TGIF1: variants seen among roughly 807,000 people sequenced by gnomAD.
TGIF1 encodes TGFB induced factor homeobox 1, also known as homeobox protein TGIF1.
Under a neutral mutation model 19.3 loss-of-function variants are expected in TGIF1, and 4 were observed. The observed-to-expected ratio is 0.21, with a 90% confidence interval of 0.10 to 0.47. The LOEUF (loss-of-function observed/expected upper bound fraction) is 0.47, where lower values mean the gene tolerates loss of function less well. Ranked by LOEUF, TGIF1 falls within the 20% of genes least tolerant of loss-of-function variation. TGIF1 has a pLI of 0.98. For synonymous variants in TGIF1, 122 were observed against 129.3 expected (o/e 0.94, Z 0.38); for missense variants, 275 against 341.4 (o/e 0.81, Z 1.53).
At chr18:3,422,296 T>TAAAAAAAAAAAAAAAAAAA (rs34822467) in intron 2 of TGIF1, among the ~76,000 whole-genome samples, 1 of 80,412 alleles carries the variant, frequency 1.2e-5, no homozygotes. Context: ...GTTTAAAAAG[T>TAAAAAAAAAAAAAAAAAAA]AAAAAAAAAA....
In TGIF1 at chr18:3,459,700, C is replaced by G. The variant is rs1001888802; in HGVS notation, c.*1760C>G. 6.6e-6 allele frequency: 1 copy of G among 152,080 alleles called. No homozygotes were observed. Among genetic ancestry groups the G allele is most frequent in the Admixed American group, 6.5e-5 (1 of 15,276 alleles). 9.4% of individuals were successfully genotyped at this position (152,080 alleles called of 1,614,324 possible). On this transcript the variant is annotated 3_prime_UTR_variant, in exon 3 of 3. Coordinates refer to ENST00000343820, the MANE Select transcript of TGIF1 (RefSeq NM_003244.4). ...CTGTTACGGTGTTTCATCACTCATA[C>G]TGGAAGGAGAAGGAAAGGAGCCATA...
chr18:3,448,032 G>A, upstream of TGIF1: 1 of 983,312 alleles, frequency 1.0e-6, no homozygotes, highest in Non-Finnish European at 1.2e-6. Context: ...AGAACCACGG[G>A]GAAGAGGGAA....
intron 1 of TGIF1, among the ~76,000 whole-genome samples, chr18:3,452,888 A>G (rs1298636223): frequency 1.3e-5 from 2 of 152,224 alleles, no homozygotes; most frequent in Non-Finnish European, 2.9e-5. Context: ...GTGTCCTCCC[A>G]GAAAGCTGAG....
At chr18:3,427,715 T>C (rs1279863604) in intron 2 of TGIF1, among the ~76,000 whole-genome samples, 1 of 151,732 alleles carries the variant, frequency 6.6e-6, no homozygotes, top group Admixed American at 6.6e-5. Context: ...TTCTCCTGCC[T>C]CAGCCACCCG....
At chr18:3,448,821 C>T (rs770000445), upstream of TGIF1, among the ~76,000 whole-genome samples, 1 of 149,902 alleles carries the variant, frequency 6.7e-6, no homozygotes, top group Non-Finnish European at 1.5e-5. Context: ...TCTTAGTACT[C>T]CTCGGGTTTA....
chr18:3,428,692 G>A (rs757328375), intron 2 of TGIF1, among the ~76,000 whole-genome samples: 6 of 151,820 alleles, frequency 4.0e-5, no homozygotes, highest in African/African-American at 1.2e-4. Flanking sequence ...AGCCAAAATC[G>A]CACCACTGCA....
chr18:3,424,085 G>A (rs1442200937), intron 2 of TGIF1, among the ~76,000 whole-genome samples: 3 of 152,034 alleles, frequency 2.0e-5, no homozygotes, highest in African/African-American at 7.3e-5. Context: ...ATTCTTTCAT[G>A]TTTATTTGGG....
intron 1 of TGIF1, among the ~76,000 whole-genome samples, chr18:3,414,310 A>C (rs1162463989): frequency 2.0e-5 from 3 of 152,236 alleles, no homozygotes; most frequent in African/African-American, 7.2e-5. Flanking sequence ...CCTAACACTT[A>C]CTGTGAACCC....
intron 2 of TGIF1, among the ~76,000 whole-genome samples, chr18:3,442,418 A>C (rs1281976110): frequency 6.6e-6 from 1 of 152,070 alleles, no homozygotes; most frequent in Non-Finnish European, 1.5e-5. Context: ...ATTTTTTTTT[A>C]AACAAATGGG....
chr18:3,417,120 G>A (rs917748187), intron 1 of TGIF1, among the ~76,000 whole-genome samples: 1 of 151,884 alleles, frequency 6.6e-6, no homozygotes, highest in Non-Finnish European at 1.5e-5. Context: ...CACTCTAGAC[G>A]TCCAGCAAGG....
At chr18:3,452,335 G>A (rs751799507) in intron 1 of TGIF1, 7 of 1,613,214 alleles carry the variant, frequency 4.3e-6, no homozygotes, top group African/African-American at 2.7e-5. Flanking sequence ...CCATCCCAGG[G>A]CGCACAGGGT....
Position 3,451,336 on chromosome 18 carries a change from A to G in TGIF1, c.16+831A>G, listed in dbSNP as rs1476581497. On this transcript the variant is annotated intron_variant, in intron 1 of 2. Coordinates refer to ENST00000343820, the MANE Select transcript of TGIF1 (RefSeq NM_003244.4). This position sits in a 1 kb window ranked among gnomAD's most constrained non-coding sequence, Gnocchi z 5.4. The stretch of plus-strand genomic sequence containing the variant: ...GCCGTCAGTTTGGTTTAAAAACAAA[A>G]TACACCGGAGGGGGACGGGGGGTGG... The G allele has an allele frequency of 2.0e-6, 2 of 985,006 alleles. No homozygotes were observed. Among genetic ancestry groups the G allele is most frequent in the East Asian group, 2.3e-4 (2 of 8,820 alleles). The allele number at this position is 985,006 out of a possible 1,614,324, so 61.0% of individuals were successfully genotyped here. A position where few individuals can be genotyped will look rare whatever the true frequency, so the allele number is the denominator to read the frequency against.
At position 3,433,894 on chromosome 18, in the gene TGIF1, G is replaced by A. The variant is rs1397884598; in HGVS notation, c.-45+15679G>A. ...AAAATGGTATATTTTACGTTGTGTAGTATATTGTACCACATATACAAAAAA... is the reference window on the plus strand; with the variant it reads ...AAAATGGTATATTTTACGTTGTGTAATATATTGTACCACATATACAAAAAA... On this transcript the variant is annotated intron_variant, in intron 2 of 3. Coordinates refer to the TGIF1 transcript ENST00000401449. Among the ~76,000 whole-genome samples, 9 of 152,174 alleles carry A rather than the reference G, an allele frequency of 5.9e-5. No homozygotes were observed. The East Asian group carries it at 1.5e-3, about 26-fold the overall frequency.
intron 2 of TGIF1, among the ~76,000 whole-genome samples, chr18:3,432,676 A>C (rs937280699): frequency 6.6e-6 from 1 of 152,152 alleles, no homozygotes; most frequent in African/African-American, 2.4e-5. Context: ...GTCTATATGG[A>C]AAATAATGGA....
At chr18:3,448,617 G>C (rs1050014469), upstream of TGIF1, 1 of 985,142 alleles carries the variant, frequency 1.0e-6, no homozygotes, top group Non-Finnish European at 1.2e-6. Context: ...TTCTTAGAGA[G>C]ACGCTTTTTT....
At position 3,422,673 on chromosome 18, in the gene TGIF1, CTTTTTTTTT is replaced by C. The variant is rs869116407; in HGVS notation, c.-45+4485_-45+4493del. Among the ~76,000 whole-genome samples the C allele has an allele frequency of 2.4e-4, 6 of 24,672 alleles. 2 individuals are homozygous for C. Among genetic ancestry groups the C allele is most frequent in the East Asian group, 1.2e-3 (1 of 860 alleles). 16.2% of individuals were successfully genotyped at this position (24,672 alleles called of 152,430 possible). A position where few individuals can be genotyped will look rare whatever the true frequency, so the allele number is the denominator to read the frequency against. The stretch of plus-strand genomic sequence containing the variant: ...ATGTTAAGTGCCCTATATAGGTGGC[CTTTTTTTTT>C]TTTTTTTTTTTTTTTTTTTTTTTTT... On this transcript the variant is annotated intron_variant, in intron 2 of 3. Transcript: ENST00000401449.
At position 3,450,375 on chromosome 18, in the gene TGIF1, T is replaced by C; in HGVS notation, c.-115T>C. 1 of 1,536,568 alleles carries C rather than the reference T, an allele frequency of 6.5e-7. No homozygotes were observed. Among genetic ancestry groups the C allele is most frequent in the Non-Finnish European group, 8.8e-7 (1 of 1,139,230 alleles). On this transcript the variant is annotated 5_prime_UTR_variant, in exon 1 of 3. Coordinates refer to ENST00000343820, the MANE Select transcript of TGIF1 (RefSeq NM_003244.4). ...GTTTAGCAATAACGGCTGGAGCACG[T>C]CCTACAAGTTACGGGAGAGTCGGCT...
intron 1 of TGIF1, chr18:3,452,316 C>T (rs746439697): frequency 4.3e-6 from 7 of 1,613,024 alleles, no homozygotes; most frequent in Non-Finnish European, 5.9e-6. Context: ...GTGGGAACTT[C>T]CGCGGTCCCC....
At chr18:3,430,570 T>C (rs1337919806) in intron 2 of TGIF1, among the ~76,000 whole-genome samples, 2 of 152,120 alleles carry the variant, frequency 1.3e-5, no homozygotes, top group Non-Finnish European at 2.9e-5. Flanking sequence ...TGGTGTGATA[T>C]TAGTTCACTG....
Sources: allele counts gnomAD v4.1 joint callset (sites outside exome capture counted in the v4.1 genomes callset), GRCh38; gene constraint gnomAD v4.1.1; non-coding constraint Gnocchi (gnomAD v3.1); transcripts MANE v1.5; gene names NCBI Gene and HGNC (gene_info 2026-07-23, HGNC 2026-07-21).